The following CCDC85A variants were observed in gnomAD, a reference collection of about 807,000 sequenced individuals.
CCDC85A encodes the protein coiled-coil domain-containing protein 85A.
In CCDC85A, 38 loss-of-function variants were observed where a neutral mutation model predicts 50.2. The observed-to-expected ratio is 0.76, with a 90% CI of 0.58 to 0.99. The LOEUF is 0.99. Ranked by LOEUF, CCDC85A falls within the 50% of genes least tolerant of loss-of-function variation. CCDC85A has a pLI of 0.00. For missense variants in CCDC85A, 820 were observed against 742.0 expected, an observed-to-expected ratio of 1.11 and a Z score of -1.22; for synonymous variants, 366 against 301.4, an observed-to-expected ratio of 1.21 and a Z score of -2.22.
At chr2:56,319,536 C>A (rs10206915) in intron 2 of CCDC85A, among the ~76,000 whole-genome samples, 48,515 of 151,896 alleles carry the variant, frequency 0.32, 8,530 homozygotes, top group East Asian at 0.52. Flanking sequence ...CACTCTTTTT[C>A]GATGCTGATA....
At chr2:56,377,352 A>G (rs1379167148) in intron 5 of CCDC85A, among the ~76,000 whole-genome samples, 1 of 152,170 alleles carries the variant, frequency 6.6e-6, no homozygotes, top group African/African-American at 2.4e-5. Context: ...AAGCATTTTA[A>G]AAGTAGAAAA....
intron 2 of CCDC85A, among the ~76,000 whole-genome samples, chr2:56,301,451 A>C (rs1416251640): frequency 1.3e-5 from 2 of 152,214 alleles, no homozygotes; most frequent in African/African-American, 4.8e-5. Flanking sequence ...TTGAGGCTAA[A>C]ATCTGGGAAT....
chr2:56,281,920 A>T (rs1671223978), intron 2 of CCDC85A, among the ~76,000 whole-genome samples: 1 of 152,190 alleles, frequency 6.6e-6, no homozygotes. Flanking sequence ...ATGAAGAAGA[A>T]TCCTTAATTT....
rs564812124 is a variant in CCDC85A at position 56,322,868 on chromosome 2, A to G, written c.1241-20011A>G. ...ATGTGTGTTTATTATGGCACTATTC[A>G]CAATAGCATAGACTTGGAACCAACC... On this transcript the variant is annotated intron_variant, in intron 2 of 5. Coordinates refer to ENST00000407595, the MANE Select transcript of CCDC85A (RefSeq NM_001080433.2). Among the ~76,000 whole-genome samples, 16 of 152,304 alleles carry G rather than the reference A, an allele frequency of 1.1e-4. No individual in the cohort carries two copies. The East Asian group carries it at 3.1e-3, about 29-fold the overall frequency.
chr2:56,326,419 C>T (rs1467343728), intron 2 of CCDC85A, among the ~76,000 whole-genome samples: 4 of 152,088 alleles, frequency 2.6e-5, no homozygotes, highest in African/African-American at 7.2e-5. Context: ...ATTGACTAGT[C>T]TGTTGTTGCC....
chr2:56,212,037 A>C (rs1677201433), intron 2 of CCDC85A, among the ~76,000 whole-genome samples: 1 of 152,044 alleles, frequency 6.6e-6, no homozygotes, highest in Admixed American at 6.6e-5. Context: ...AGCTCAGCTC[A>C]TAGACCTTAT....
intron 2 of CCDC85A, among the ~76,000 whole-genome samples, chr2:56,234,690 C>G (rs1668928575): frequency 6.6e-6 from 1 of 151,886 alleles, no homozygotes. Flanking sequence ...TGCATGTTCT[C>G]CAGAGCCCCC....
chr2:56,310,190 C>T (rs193138374), intron 2 of CCDC85A, among the ~76,000 whole-genome samples: 4 of 152,224 alleles, frequency 2.6e-5, no homozygotes, highest in East Asian at 1.9e-4. Context: ...GGACATACCT[C>T]GGGTAAAATG....
chr2:56,358,880 G>C (rs1228641527), intron 3 of CCDC85A, among the ~76,000 whole-genome samples: 1 of 151,700 alleles, frequency 6.6e-6, no homozygotes, highest in Non-Finnish European at 1.5e-5. Flanking sequence ...CACCTCCCAG[G>C]TTCAAGCGCT....
At chr2:56,199,296 G>A (rs920736797) in intron 2 of CCDC85A, among the ~76,000 whole-genome samples, 11 of 152,310 alleles carry the variant, frequency 7.2e-5, no homozygotes, top group Non-Finnish European at 1.3e-4. Flanking sequence ...TTAAGTTGTA[G>A]TAATGATAGA....
chr2:56,361,110 C>G (rs747106595), intron 3 of CCDC85A, among the ~76,000 whole-genome samples: 2 of 152,092 alleles, frequency 1.3e-5, no homozygotes, highest in African/African-American at 2.4e-5. Flanking sequence ...AAACCTTAGC[C>G]GGGCGTGGTG....
At chr2:56,225,529 A>G (rs1427987900) in intron 2 of CCDC85A, among the ~76,000 whole-genome samples, 3 of 152,052 alleles carry the variant, frequency 2.0e-5, no homozygotes, top group Non-Finnish European at 4.4e-5. Context: ...GAGTGTCTTT[A>G]TTACTGTACC....
At chr2:56,244,559 C>G (rs990827676) in intron 2 of CCDC85A, among the ~76,000 whole-genome samples, 1 of 151,712 alleles carries the variant, frequency 6.6e-6, no homozygotes, top group African/African-American at 2.4e-5. Flanking sequence ...ATCCTCTCCC[C>G]TACTGTGGAT....
chr2:56,185,979 A>G (rs1261960321), intron 1 of CCDC85A, among the ~76,000 whole-genome samples: 1 of 151,966 alleles, frequency 6.6e-6, no homozygotes, highest in Non-Finnish European at 1.5e-5. Flanking sequence ...CTATCCCCAC[A>G]TATCAGACAG....
chr2:56,318,415 T>C (rs866907607), intron 2 of CCDC85A, among the ~76,000 whole-genome samples: 1 of 152,068 alleles, frequency 6.6e-6, no homozygotes, highest in South Asian at 2.1e-4. Flanking sequence ...CATTCATTCA[T>C]TGGTTAACAA....
chr2:56,248,053 C>A (rs554209835), intron 2 of CCDC85A, among the ~76,000 whole-genome samples: 1 of 152,302 alleles, frequency 6.6e-6, no homozygotes, highest in South Asian at 2.1e-4. Context: ...CTTTCTCTCT[C>A]ACTGGATCAT....
chr2:56,326,838 A>ATT (rs56350642), intron 2 of CCDC85A, among the ~76,000 whole-genome samples: 79 of 148,730 alleles, frequency 5.3e-4, no homozygotes, highest in African/African-American at 1.4e-3. Flanking sequence ...AAGGTGAAGT[A>ATT]TTTTTTTTTT....
chr2:56,266,380 G>A (rs1409151204), intron 2 of CCDC85A, among the ~76,000 whole-genome samples: 1 of 152,036 alleles, frequency 6.6e-6, no homozygotes, highest in African/African-American at 2.4e-5. Context: ...ATCCAGCCTG[G>A]GCAACATAGC....
At chr2:56,222,482 G>A (rs529800285) in intron 2 of CCDC85A, among the ~76,000 whole-genome samples, 2 of 152,178 alleles carry the variant, frequency 1.3e-5, no homozygotes, top group East Asian at 3.9e-4. Context: ...ATGCAAAGAG[G>A]AATATTCCCT....
Sources: allele counts gnomAD v4.1 joint callset (sites outside exome capture counted in the v4.1 genomes callset), GRCh38; gene constraint gnomAD v4.1.1; transcripts MANE v1.5; gene names NCBI Gene and HGNC (gene_info 2026-07-23, HGNC 2026-07-21).